C12orf42: variants seen among roughly 807,000 people sequenced by gnomAD.
The protein encoded by C12orf42 is uncharacterized protein C12orf42.
Under a neutral mutation model 21.6 loss-of-function variants are expected in C12orf42, and 25 were observed. That is an observed-to-expected ratio of 1.16 (90% confidence interval 0.84 to 1.62). The LOEUF (loss-of-function observed/expected upper bound fraction) is 1.62. Among genes scored for constraint, C12orf42 ranks in the 40% most tolerant of loss-of-function variants. The pLI, the probability that C12orf42 is intolerant of heterozygous loss-of-function variation, is 0.00. For missense variants in C12orf42, 483 were observed against 459.3 expected, an observed-to-expected ratio of 1.05 and a Z score of -0.47; for synonymous variants, 174 against 175.0, an observed-to-expected ratio of 0.99 and a Z score of 0.05.
chr12:103,502,663 C>A, the C12orf42 span, among the ~76,000 whole-genome samples: 6 of 152,168 alleles, frequency 3.9e-5, no homozygotes, highest in Non-Finnish European at 2.9e-5. Context: ...CCGCTGCCAG[C>A]CTCACTTCAA....
the C12orf42 span, among the ~76,000 whole-genome samples, chr12:103,119,020 A>G: frequency 2.6e-4 from 40 of 151,894 alleles, no homozygotes; most frequent in South Asian, 8.1e-3. Flanking sequence ...TTCTCCTTTC[A>G]CTCTCAAAAA....
At chr12:103,078,759 G>T in the C12orf42 span, among the ~76,000 whole-genome samples, 1 of 152,114 alleles carries the variant, frequency 6.6e-6, no homozygotes, top group African/African-American at 2.4e-5. Context: ...AAAAGACTTG[G>T]TCAAAAGACA....
the C12orf42 span, among the ~76,000 whole-genome samples, chr12:103,203,778 T>A: frequency 6.6e-6 from 1 of 152,090 alleles, no homozygotes; most frequent in Non-Finnish European, 1.5e-5. Context: ...TATCAGAGAC[T>A]CTCAACTTTG....
At chr12:103,507,991 G>A in the C12orf42 span, among the ~76,000 whole-genome samples, 1 of 152,140 alleles carries the variant, frequency 6.6e-6, no homozygotes, top group African/African-American at 2.4e-5. Flanking sequence ...GGCATTGGAT[G>A]CAGGGGAATC....
intron 3 of C12orf42, among the ~76,000 whole-genome samples, chr12:103,387,112 C>G (rs1041247150): frequency 2.0e-5 from 3 of 152,204 alleles, no homozygotes; most frequent in Non-Finnish European, 4.4e-5. Context: ...AAGTATAAAC[C>G]TGAATTGTCC....
the C12orf42 span, among the ~76,000 whole-genome samples, chr12:103,063,857 G>A: frequency 2.6e-5 from 4 of 152,112 alleles, no homozygotes; most frequent in South Asian, 2.1e-4. Context: ...TAAGAGTGTG[G>A]GATAATGGTG....
chr12:103,532,875 C>T, the C12orf42 span, among the ~76,000 whole-genome samples: 1 of 152,136 alleles, frequency 6.6e-6, no homozygotes, highest in African/African-American at 2.4e-5. Context: ...GACACAGAGT[C>T]GAGTCTTCAA....
the C12orf42 span, among the ~76,000 whole-genome samples, chr12:103,049,054 T>A: frequency 1.3e-5 from 2 of 152,310 alleles, no homozygotes; most frequent in East Asian, 3.9e-4. Flanking sequence ...TTTCATCCAT[T>A]CCCATGGCTT....
At chr12:103,147,493 C>CTTTTTTTTTTTT in the C12orf42 span, among the ~76,000 whole-genome samples, 1 of 84,990 alleles carries the variant, frequency 1.2e-5, no homozygotes, top group Admixed American at 1.2e-4. Context: ...TTCTTTTTTT[C>CTTTTTTTTTTTT]TTTTTTTTTC....
the C12orf42 span, among the ~76,000 whole-genome samples, chr12:103,062,252 C>T: frequency 6.6e-6 from 1 of 150,952 alleles, no homozygotes; most frequent in African/African-American, 2.4e-5. Flanking sequence ...TTTCTTTCTG[C>T]ATTTCTGTGT....
the C12orf42 span, among the ~76,000 whole-genome samples, chr12:103,147,987 C>T: frequency 6.6e-6 from 1 of 152,058 alleles, no homozygotes; most frequent in South Asian, 2.1e-4. Context: ...TGGTAGCATC[C>T]CCTCCCTTTT....
At chr12:103,307,951 T>C (rs931877843) in intron 4 of C12orf42, among the ~76,000 whole-genome samples, 25 of 152,216 alleles carry the variant, frequency 1.6e-4, no homozygotes, top group Admixed American at 1.6e-3. Context: ...AAATGAATTA[T>C]GGTTTGTTTC....
chr12:103,172,554 G>T, the C12orf42 span, among the ~76,000 whole-genome samples: 2 of 152,076 alleles, frequency 1.3e-5, no homozygotes, highest in Admixed American at 1.3e-4. Context: ...GGGTCTCAGA[G>T]AAGCAAAAGA....
the C12orf42 span, among the ~76,000 whole-genome samples, chr12:103,553,314 G>A: frequency 1.3e-5 from 2 of 152,148 alleles, no homozygotes; most frequent in African/African-American, 4.8e-5. Context: ...ATGAAGGTTT[G>A]GAGAAGTATT....
the C12orf42 span, among the ~76,000 whole-genome samples, chr12:103,061,820 G>A: frequency 2.7e-3 from 399 of 150,498 alleles, 1 homozygote; most frequent in African/African-American, 9.3e-3. Context: ...TTTTAATGAG[G>A]CATTTAGTAC....
In C12orf42 at chr12:103,306,276, G is replaced by GGGAC. The variant is rs753036505; in HGVS notation, c.325_328dup (p.Pro110ArgfsTer12). 3 of 1,613,588 alleles carry GGGAC rather than the reference G, an allele frequency of 1.9e-6. No homozygotes were observed. ...AGAAACTGTGCTTACAGAACACCTG[G>GGGAC]GGACTATGTACTGGCAAGTATGAAG... On this transcript the variant is annotated frameshift_variant, in exon 5 of 6. Transcript: ENST00000548883. LOFTEE classifies it high-confidence loss of function.
intron 4 of C12orf42, among the ~76,000 whole-genome samples, chr12:103,326,356 TCA>T (rs374568715): frequency 1.6e-3 from 238 of 152,324 alleles, no homozygotes; most frequent in African/African-American, 5.3e-3. Context: ...CATAGACTCT[TCA>T]GTCTATTCTC....
At chr12:103,482,470 T>G (rs1466682543) in intron 1 of C12orf42, among the ~76,000 whole-genome samples, 1 of 152,134 alleles carries the variant, frequency 6.6e-6, no homozygotes, top group Non-Finnish European at 1.5e-5. Flanking sequence ...GTTTTGCATT[T>G]TGCTTTATTT....
At chr12:103,179,909 T>G in the C12orf42 span, among the ~76,000 whole-genome samples, 1 of 152,130 alleles carries the variant, frequency 6.6e-6, no homozygotes, top group Non-Finnish European at 1.5e-5. Flanking sequence ...AGATTTCTAG[T>G]TTAGACAACA....
Sources: allele counts gnomAD v4.1 joint callset (sites outside exome capture counted in the v4.1 genomes callset), GRCh38; gene constraint gnomAD v4.1.1; transcripts MANE v1.5; gene names NCBI Gene and HGNC (gene_info 2026-07-23, HGNC 2026-07-21).